Variants in CFAP43 observed in about 807,000 individuals in gnomAD.
CFAP43 encodes cilia and flagella associated protein 43, also known as cilia- and flagella-associated protein 43.
In CFAP43, 155 loss-of-function variants were observed where a neutral mutation model predicts 218.9. The ratio of observed to expected loss-of-function variants is 0.71; its 90% CI spans 0.62 to 0.81. CFAP43 has a LOEUF of 0.81. CFAP43 is among the 30% of genes least tolerant of loss of function. CFAP43 has a pLI of 0.00. For missense variants in CFAP43, 1,778 were observed against 1,954.3 expected (o/e 0.91, Z 1.70); for synonymous variants, 645 against 681.3 (o/e 0.95, Z 0.83).
intron 28 of CFAP43, among the ~76,000 whole-genome samples, chr10:104,151,847 C>T (rs2088275332): frequency 6.6e-6 from 1 of 152,004 alleles, no homozygotes; most frequent in Non-Finnish European, 1.5e-5. Flanking sequence ...AGGTTGTCTC[C>T]CAGGATTTTT....
At position 104,232,187 on chromosome 10, in the gene CFAP43, G is replaced by C. The variant is rs780706232; in HGVS notation, c.60C>G (p.Ser20=). The C allele has an allele frequency of 1.2e-6, 2 of 1,609,364 alleles. No individual in the cohort carries two copies. Among genetic ancestry groups the C allele is most frequent in the South Asian group, 1.1e-5 (1 of 90,494 alleles). ...CGGGGCCGTGAACACCGCACCTCAC[G>C]GACAAGGACGCGCCGCCGGCGGAGT... The part of the protein sequence containing the change: ...GPHSAGGASL[S]VRWVQGFPKQ... The change falls in exon 1 of 38, where the codon TCC becomes TCG. Residue 20 remains serine, a synonymous_variant. Transcript: ENST00000357060.
intron 20 of CFAP43, among the ~76,000 whole-genome samples, chr10:104,170,921 G>A (rs1164988676): frequency 6.6e-6 from 1 of 152,090 alleles, no homozygotes; most frequent in African/African-American, 2.4e-5. Context: ...CAGCCTTTCT[G>A]GTGTGCTGTT....
At chr10:104,204,067 T>C (rs1259148596) in intron 7 of CFAP43, among the ~76,000 whole-genome samples, 1 of 152,224 alleles carries the variant, frequency 6.6e-6, no homozygotes, top group Admixed American at 6.5e-5. Context: ...TGAGTTTCTC[T>C]AGTATCCCTC....
chr10:104,210,153 C>CT (rs527522738), intron 5 of CFAP43, among the ~76,000 whole-genome samples: 15 of 152,178 alleles, frequency 9.9e-5, no homozygotes, highest in African/African-American at 2.9e-4. Flanking sequence ...AACCATACAA[C>CT]TTTTTTCTGA....
At chr10:104,188,538 G>T in intron 12 of CFAP43, 128 bp from the exon 13 acceptor site, 1 of 1,212,136 alleles carries the variant, frequency 8.2e-7, no homozygotes, top group African/African-American at 1.5e-5. Context: ...TTATTTGCTG[G>T]ACATTTAAAG....
chr10:104,157,258 T>C (rs2088598247), intron 27 of CFAP43, among the ~76,000 whole-genome samples: 1 of 152,202 alleles, frequency 6.6e-6, no homozygotes, highest in Non-Finnish European at 1.5e-5. Flanking sequence ...CATACCTTTT[T>C]CCTTCCTCTA....
intron 14 of CFAP43, among the ~76,000 whole-genome samples, chr10:104,186,866 A>T (rs965657706): frequency 6.6e-6 from 1 of 152,200 alleles, no homozygotes; most frequent in African/African-American, 2.4e-5. Flanking sequence ...CATTATGTGC[A>T]GCAGGAGGTG....
At chr10:104,172,259 ATTATAC>A (rs1481788005) in intron 20 of CFAP43, 145 bp downstream of exon 20, 3 of 942,338 alleles carry the variant, frequency 3.2e-6, no homozygotes, top group Non-Finnish European at 4.5e-6. Context: ...CCTCTGATTC[ATTATAC>A]TTATATGCAC....
chr10:104,158,542 A>G (rs1345155163), intron 27 of CFAP43, among the ~76,000 whole-genome samples: 1 of 152,214 alleles, frequency 6.6e-6, no homozygotes, highest in East Asian at 1.9e-4. Context: ...AAAAATGTCA[A>G]TGTCATGGAA....
At chr10:104,211,521 G>A (rs2090862067) in intron 5 of CFAP43, among the ~76,000 whole-genome samples, 1 of 152,144 alleles carries the variant, frequency 6.6e-6, no homozygotes, top group Non-Finnish European at 1.5e-5. Flanking sequence ...TCCTACTTCT[G>A]TGACTGCGCC....
intron 2 of CFAP43, among the ~76,000 whole-genome samples, chr10:104,225,983 T>G (rs1036581702): frequency 6.6e-6 from 1 of 152,266 alleles, no homozygotes; most frequent in Non-Finnish European, 1.5e-5. Flanking sequence ...AGGCCATATC[T>G]GGCCCTTAGC....
chr10:104,175,932 A>G (rs1278525510), intron 19 of CFAP43, among the ~76,000 whole-genome samples: 2 of 152,240 alleles, frequency 1.3e-5, no homozygotes, highest in African/African-American at 4.8e-5. Context: ...CAGAGCTGGC[A>G]GATAAATTCT....
chr10:104,186,082 T>C lies in CFAP43; in HGVS notation c.1902A>G (p.Val634=). 6.4e-7 allele frequency: 1 copy of C among 1,572,866 alleles called. No homozygotes were observed. The highest frequency in any genetic ancestry group is 8.6e-7 in the Non-Finnish European group (1 of 1,165,860). ...GIYILKPYKK[V]QSRQYGPGLL... ...GTCCAGGTCCATACTGTCTGCTTTG[T>C]ACTTTTTTGTATGGTTTAAGAATGT... Residue 634 remains valine, a synonymous_variant, in exon 15 of 38, where the codon GTA becomes GTG. Coordinates refer to ENST00000357060, the MANE Select transcript of CFAP43 (RefSeq NM_025145.7).
intron 8 of CFAP43, among the ~76,000 whole-genome samples, chr10:104,202,699 T>G (rs2090566863): frequency 6.6e-6 from 1 of 152,168 alleles, no homozygotes; most frequent in Non-Finnish European, 1.5e-5. Context: ...TGTATTTTTC[T>G]TCTTTAGAAG....
At chr10:104,200,972 G>A (rs999567302) in intron 8 of CFAP43, among the ~76,000 whole-genome samples, 1 of 152,128 alleles carries the variant, frequency 6.6e-6, no homozygotes, top group Non-Finnish European at 1.5e-5. Flanking sequence ...ATCACTGGAG[G>A]GCTTTGCCTA....
chr10:104,182,511 C>T lies in CFAP43; in HGVS notation c.2144G>A (p.Arg715Gln), dbSNP rs762082183. The T allele has an allele frequency of 8.3e-6, 13 of 1,569,474 alleles. No homozygotes were observed. The highest frequency in any genetic ancestry group is 5.6e-5 in the African/African-American group (4 of 71,954). The change falls in exon 17 of 38, where the codon CGA becomes CAA. Residue 715 changes from arginine (R) to glutamine (Q), a missense_variant and splice_region_variant. Arg to Gln is a conservative substitution (Grantham distance 43). Around this residue, in one of 3 missense-constraint regions of CFAP43, gnomAD observed 1,553 missense variants for 1,685.2 expected, o/e 0.92. Transcript: ENST00000357060. ...DGTLVYLKWK[R>Q]FGGHLASEIL... ...TTCACTGGCTAGGTGTCCTCCAAATCGCCTATATTAATAAAAAAGAAAACA... is the reference window on the plus strand; with the variant it reads ...TTCACTGGCTAGGTGTCCTCCAAATTGCCTATATTAATAAAAAAGAAAACA...
intron 12 of CFAP43, among the ~76,000 whole-genome samples, chr10:104,189,066 T>C (rs556499595): frequency 1.1e-3 from 171 of 152,302 alleles, no homozygotes; most frequent in Non-Finnish European, 1.8e-3. Context: ...CAATCTCAAC[T>C]TTCTTATCCT....
rs1035033509 is a variant in CFAP43 at position 104,168,791 on chromosome 10, T to C, written c.2644A>G (p.Lys882Glu). 6.2e-7 allele frequency: 1 copy of C among 1,614,152 alleles called. No homozygotes were observed. The highest frequency in any genetic ancestry group is 1.1e-5 in the South Asian group (1 of 91,086). The change falls in exon 21 of 38, where the codon AAA becomes GAA. Residue 882 changes from lysine to glutamate, a missense_variant. By Grantham distance (56) the Lys-to-Glu change is moderately conservative (BLOSUM62 1). Coordinates refer to ENST00000357060, the MANE Select transcript of CFAP43 (RefSeq NM_025145.7). ...GCCATCGAATTCCAACATTCTTCTT[T>C]GATAAGTTCAGCCAAATAGCTCTTG... ...LAKSYLAELI[K>E]EECWNSMAVK...
chr10:104,215,329 G>C (rs1427972297), intron 3 of CFAP43, among the ~76,000 whole-genome samples: 1 of 152,116 alleles, frequency 6.6e-6, no homozygotes, highest in East Asian at 1.9e-4. Flanking sequence ...ACTCCATTCA[G>C]AGTTGTGATT....
Sources: gnomAD v4.1 joint callset for allele counts (sites outside exome capture counted in the v4.1 genomes callset) on GRCh38, gnomAD v4.1.1 for gene constraint, gnomAD v4.1.1 regional missense constraint, MANE v1.5 for transcripts, NCBI Gene and HGNC (gene_info 2026-07-23, HGNC 2026-07-21) for gene names.